Variants in CADPS2 observed in about 807,000 individuals in gnomAD.
The protein encoded by CADPS2 is calcium dependent secretion activator 2, also known as calcium-dependent secretion activator 2.
In CADPS2, 93 loss-of-function variants were observed where a neutral mutation model predicts 172.5. That is an observed-to-expected ratio of 0.54 (90% confidence interval 0.46 to 0.64). The LOEUF is 0.64. Among genes scored for constraint, CADPS2 ranks in the 30% least tolerant of loss-of-function variants. CADPS2 has a pLI of 0.00. For missense variants in CADPS2, 1,420 were observed against 1,565.9 expected (o/e 0.91, Z 1.57); for synonymous variants, 546 against 555.2 (o/e 0.98, Z 0.23).
intron 2 of CADPS2, among the ~76,000 whole-genome samples, chr7:122,675,349 T>C (rs938807098): frequency 2.0e-5 from 3 of 152,156 alleles, no homozygotes; most frequent in Admixed American, 6.5e-5. Context: ...GAAAGAACAA[T>C]GGTCACGTAC....
At chr7:122,770,176 G>C (rs1238209743) in intron 1 of CADPS2, among the ~76,000 whole-genome samples, 2 of 152,118 alleles carry the variant, frequency 1.3e-5, no homozygotes, top group Non-Finnish European at 2.9e-5. Context: ...TAAGAATTCT[G>C]TGTGTACAGT....
At chr7:122,873,751 G>C (rs1402221317) in intron 1 of CADPS2, among the ~76,000 whole-genome samples, 1 of 152,086 alleles carries the variant, frequency 6.6e-6, no homozygotes, top group African/African-American at 2.4e-5. Context: ...ATCACACTGT[G>C]TTCCACAATA....
chr7:122,639,514 TTA>T (rs1167098001), intron 3 of CADPS2, among the ~76,000 whole-genome samples: 1 of 152,190 alleles, frequency 6.6e-6, no homozygotes, highest in Non-Finnish European at 1.5e-5. Flanking sequence ...TTCCTCAGTT[TTA>T]TGTGTGCTCC....
chr7:122,441,401 T>C (rs553401615), intron 16 of CADPS2, 111 bp downstream of exon 16: 1 of 572,670 alleles, frequency 1.7e-6, no homozygotes, highest in South Asian at 3.4e-5. Flanking sequence ...TGACTTGTGA[T>C]GGAATCAGTA....
chr7:122,346,341 C>T (rs1394138049), intron 27 of CADPS2, among the ~76,000 whole-genome samples: 3 of 152,150 alleles, frequency 2.0e-5, no homozygotes, highest in East Asian at 3.9e-4. Context: ...GTACTCCAGC[C>T]TGGGCAACAG....
intron 3 of CADPS2, among the ~76,000 whole-genome samples, chr7:122,640,466 CAT>C (rs1426840905): frequency 1.1e-4 from 15 of 142,070 alleles, no homozygotes; most frequent in South Asian, 2.2e-4. Context: ...TGTGCACACA[CAT>C]ATACACACAC....
chr7:122,550,413 G>C (rs1051962149), intron 8 of CADPS2, among the ~76,000 whole-genome samples: 3 of 152,086 alleles, frequency 2.0e-5, no homozygotes, highest in African/African-American at 4.8e-5. Context: ...TAGAAACTAT[G>C]ATAAAAGTCT....
At chr7:122,711,257 T>A (rs1205505724) in intron 2 of CADPS2, among the ~76,000 whole-genome samples, 1 of 152,120 alleles carries the variant, frequency 6.6e-6, no homozygotes, top group East Asian at 1.9e-4. Context: ...AGCCATAAAG[T>A]AATAACCATT....
intron 1 of CADPS2, among the ~76,000 whole-genome samples, chr7:122,858,886 A>G (rs983377665): frequency 6.6e-6 from 1 of 152,200 alleles, no homozygotes; most frequent in African/African-American, 2.4e-5. Flanking sequence ...ATGAGAAAAA[A>G]AATAAGTTGC....
intron 24 of CADPS2, among the ~76,000 whole-genome samples, chr7:122,384,950 C>T (rs1362831395): frequency 1.3e-5 from 2 of 152,064 alleles, no homozygotes; most frequent in Non-Finnish European, 1.5e-5. Flanking sequence ...AAAGTGCCTA[C>T]TGCATGTCAG....
intron 9 of CADPS2, among the ~76,000 whole-genome samples, chr7:122,498,075 G>A (rs2058895001): frequency 6.6e-6 from 1 of 152,242 alleles, no homozygotes; most frequent in South Asian, 2.1e-4. Flanking sequence ...AGCTTCCCAA[G>A]TAGCTGGGAT....
intron 8 of CADPS2, among the ~76,000 whole-genome samples, chr7:122,524,203 A>G (rs1318194728): frequency 1.3e-5 from 2 of 152,220 alleles, no homozygotes; most frequent in African/African-American, 4.8e-5. Flanking sequence ...ATAAAAATAC[A>G]TTCTCTTTTA....
chr7:122,778,466 A>C, intron 1 of CADPS2, among the ~76,000 whole-genome samples: 1 of 152,244 alleles, frequency 6.6e-6, no homozygotes, highest in Admixed American at 6.5e-5. Context: ...AATGTTAATC[A>C]CCAAGACAAT....
intron 9 of CADPS2, among the ~76,000 whole-genome samples, chr7:122,494,799 C>T (rs981353526): frequency 1.3e-5 from 2 of 151,738 alleles, no homozygotes; most frequent in African/African-American, 4.8e-5. Flanking sequence ...TGTGTCTTTC[C>T]TCATCTTACA....
At chr7:122,773,871 T>A (rs980650676) in intron 1 of CADPS2, among the ~76,000 whole-genome samples, 3 of 152,114 alleles carry the variant, frequency 2.0e-5, no homozygotes, top group Non-Finnish European at 4.4e-5. Flanking sequence ...TCTTACTAGT[T>A]TTGTTCCCTG....
intron 1 of CADPS2, among the ~76,000 whole-genome samples, chr7:122,852,376 C>T (rs1813896681): frequency 6.6e-6 from 1 of 152,134 alleles, no homozygotes; most frequent in Non-Finnish European, 1.5e-5. Flanking sequence ...ATGCAGCTTA[C>T]ATTTATGTGT....
chr7:122,667,930 G>A (rs1039950035), intron 2 of CADPS2, among the ~76,000 whole-genome samples: 3 of 152,192 alleles, frequency 2.0e-5, no homozygotes, highest in South Asian at 2.1e-4. Flanking sequence ...TGGGGGCCAC[G>A]TGGGGGGAGG....
rs182815272 is a variant in CADPS2, at chr7:122,350,620, A to C, written c.3505-4939T>G. Among the ~76,000 whole-genome samples the C allele has an allele frequency of 4.5e-3, 685 of 152,310 alleles. 3 individuals are homozygous for C. Among genetic ancestry groups the C allele is most frequent in the Non-Finnish European group, 7.9e-3 (535 of 68,034 alleles). ...CAGAAAACCAGATGGAAATACACAG[A>C]GATTACAGAGCCTTCTAATTACATT... On this transcript the variant is annotated intron_variant, in intron 27 of 29. Coordinates refer to ENST00000449022, the MANE Select transcript of CADPS2 (RefSeq NM_017954.11).
chr7:122,864,382 G>C (rs2141349527), intron 1 of CADPS2, among the ~76,000 whole-genome samples: 1 of 151,994 alleles, frequency 6.6e-6, no homozygotes, highest in East Asian at 1.9e-4. Flanking sequence ...TGGGAGGCTG[G>C]GTCAGGAGGA....
Sources: gnomAD v4.1 joint callset for allele counts (sites outside exome capture counted in the v4.1 genomes callset) on GRCh38, gnomAD v4.1.1 for gene constraint, MANE v1.5 for transcripts, NCBI Gene and HGNC (gene_info 2026-07-23, HGNC 2026-07-21) for gene names.